LRRTM4: variants seen among roughly 807,000 people sequenced by gnomAD.
LRRTM4 encodes leucine-rich repeat transmembrane neuronal protein 4.
Under a neutral mutation model 47.6 loss-of-function variants are expected in LRRTM4, and 25 were observed. The observed-to-expected ratio is 0.53, with a 90% CI of 0.38 to 0.73. The LOEUF is 0.73. Among genes scored for constraint, LRRTM4 ranks in the 30% least tolerant of loss-of-function variants. The probability of loss-of-function intolerance (pLI) is 0.00; values close to 1 mark genes in which losing one functional copy is unlikely to be tolerated. For missense variants in LRRTM4, 638 were observed against 713.4 expected (o/e 0.89, Z 1.20); for synonymous variants, 311 against 269.5 (o/e 1.15, Z -1.51).
intron 3 of LRRTM4, among the ~76,000 whole-genome samples, chr2:76,807,814 C>A (rs940318760): frequency 6.6e-6 from 1 of 151,564 alleles, no homozygotes; most frequent in Non-Finnish European, 1.5e-5. Context: ...AACTCCTGAC[C>A]TCGTGATCCG....
intron 3 of LRRTM4, among the ~76,000 whole-genome samples, chr2:77,078,380 C>CCCA (rs1680416741): frequency 7.2e-5 from 10 of 139,244 alleles, no homozygotes; most frequent in Admixed American, 5.6e-4. Context: ...ACACACACAC[C>CCCA]CACACACACA....
At chr2:77,323,851 CT>C (rs1670650238) in intron 3 of LRRTM4, among the ~76,000 whole-genome samples, 1 of 152,016 alleles carries the variant, frequency 6.6e-6, no homozygotes. Flanking sequence ...TTCAGTAGTT[CT>C]TAATTTCCTT....
chr2:76,817,651 G>T (rs947548299), intron 3 of LRRTM4, among the ~76,000 whole-genome samples: 8 of 151,968 alleles, frequency 5.3e-5, no homozygotes, highest in African/African-American at 1.9e-4. Flanking sequence ...TGCAGCCAGA[G>T]AATGAGGCTA....
intron 3 of LRRTM4, among the ~76,000 whole-genome samples, chr2:77,195,766 G>T (rs971936515): frequency 1.3e-5 from 2 of 152,104 alleles, no homozygotes; most frequent in African/African-American, 4.8e-5. Context: ...TAGGGTAGGA[G>T]TATGACCACA....
At chr2:76,962,291 A>G (rs1051491816) in intron 3 of LRRTM4, among the ~76,000 whole-genome samples, 1 of 151,246 alleles carries the variant, frequency 6.6e-6, no homozygotes, top group African/African-American at 2.4e-5. Flanking sequence ...AAAAATTTCA[A>G]TACAAAGTAA....
chr2:76,866,277 T>A (rs1187416822), intron 3 of LRRTM4, among the ~76,000 whole-genome samples: 1 of 152,200 alleles, frequency 6.6e-6, no homozygotes, highest in Non-Finnish European at 1.5e-5. Context: ...GGGAACGATC[T>A]CAGTTTCCAT....
intron 3 of LRRTM4, among the ~76,000 whole-genome samples, chr2:77,026,204 A>G (rs1271528024): frequency 6.6e-6 from 1 of 152,208 alleles, no homozygotes; most frequent in Non-Finnish European, 1.5e-5. Flanking sequence ...ACAGTGAGGA[A>G]AATAATAGCT....
chr2:76,798,725 G>C (rs1358595070), intron 3 of LRRTM4, among the ~76,000 whole-genome samples: 6 of 151,058 alleles, frequency 4.0e-5, no homozygotes, highest in African/African-American at 1.5e-4. Context: ...AAGAAGAAAA[G>C]AGAGAAGAAT....
At chr2:76,919,506 C>A (rs956976939) in intron 3 of LRRTM4, among the ~76,000 whole-genome samples, 2 of 152,092 alleles carry the variant, frequency 1.3e-5, no homozygotes, top group East Asian at 1.9e-4. Flanking sequence ...TCTGGTTAAA[C>A]CTCTCCTGCA....
At chr2:77,131,215 A>G (rs1486541117) in intron 3 of LRRTM4, among the ~76,000 whole-genome samples, 1 of 152,178 alleles carries the variant, frequency 6.6e-6, no homozygotes, top group African/African-American at 2.4e-5. Flanking sequence ...TGCTAAACAA[A>G]GCCGCAAGTA....
At chr2:77,163,997 C>G (rs1672807981) in intron 3 of LRRTM4, among the ~76,000 whole-genome samples, 1 of 152,032 alleles carries the variant, frequency 6.6e-6, no homozygotes, top group African/African-American at 2.4e-5. Flanking sequence ...AGGCTCCAAT[C>G]AAAAGACACA....
At chr2:77,406,919 A>C (rs1226825144) in intron 3 of LRRTM4, among the ~76,000 whole-genome samples, 1 of 152,186 alleles carries the variant, frequency 6.6e-6, no homozygotes, top group Non-Finnish European at 1.5e-5. Flanking sequence ...TAACTGGGGA[A>C]ATATACTGCC....
chr2:77,021,092 C>CTGTATCTATCTATCTA (rs1341265960), intron 3 of LRRTM4, among the ~76,000 whole-genome samples: 1 of 137,298 alleles, frequency 7.3e-6, no homozygotes, highest in Non-Finnish European at 1.6e-5. Context: ...AGAAACTTCT[C>CTGTATCTATCTATCTA]TGTATCTATC....
At chr2:77,438,970 A>C (rs371264473) in intron 3 of LRRTM4, among the ~76,000 whole-genome samples, 5 of 152,310 alleles carry the variant, frequency 3.3e-5, no homozygotes, top group East Asian at 1.9e-4. Context: ...ACAAAGGTAA[A>C]CCAAGCTATC....
chr2:76,882,555 T>C (rs1044273811), intron 3 of LRRTM4, among the ~76,000 whole-genome samples: 1 of 148,854 alleles, frequency 6.7e-6, no homozygotes. Flanking sequence ...AAAAAAAAAA[T>C]TAACCAAGCA....
At chr2:76,975,898 A>AG (rs1348484510) in intron 3 of LRRTM4, among the ~76,000 whole-genome samples, 2 of 151,782 alleles carry the variant, frequency 1.3e-5, no homozygotes, top group Non-Finnish European at 2.9e-5. Context: ...ATTTGAGAAG[A>AG]GGTACTTCCT....
At chr2:77,180,159 G>T (rs1459716395) in intron 3 of LRRTM4, among the ~76,000 whole-genome samples, 1 of 152,024 alleles carries the variant, frequency 6.6e-6, no homozygotes, top group East Asian at 1.9e-4. Context: ...GAGTTTTCTG[G>T]GAACCTTGAT....
chr2:77,266,014 C>A (rs1236202190), intron 3 of LRRTM4, among the ~76,000 whole-genome samples: 1 of 152,110 alleles, frequency 6.6e-6, no homozygotes, highest in Admixed American at 6.6e-5. Context: ...GGCCCACAGG[C>A]CAAATTTGGT....
rs747443758 is a variant in LRRTM4, at chr2:77,521,699, CT to C, written c.-29del. On this transcript the variant is annotated 5_prime_UTR_variant, in exon 2 of 4. The change abolishes the stop of an existing upstream ORF in the 5' untranslated region. Transcript: ENST00000409884. Reference sequence around the variant, plus strand: ...TTTGTCATCCAAAAACGTTTCCCCCCTCTCTCAGCTTTCTTCTTATTTGGTC... The same window carrying C: ...TTTGTCATCCAAAAACGTTTCCCCCCCTCTCAGCTTTCTTCTTATTTGGTC... The C allele has an allele frequency of 6.2e-6, 10 of 1,611,856 alleles. No individual in the cohort carries two copies. Among genetic ancestry groups the C allele is most frequent in the South Asian group, 2.2e-5 (2 of 91,004 alleles).
Sources: allele counts gnomAD v4.1 joint callset (sites outside exome capture counted in the v4.1 genomes callset), GRCh38; gene constraint gnomAD v4.1.1; transcripts MANE v1.5; gene names NCBI Gene and HGNC (gene_info 2026-07-23, HGNC 2026-07-21).